Variants in HNRNPLL observed in about 807,000 individuals in gnomAD.
HNRNPLL encodes the protein heterogeneous nuclear ribonucleoprotein L-like.
HNRNPLL carries 25 observed loss-of-function variants against 67.1 expected under a neutral mutation model. The ratio of observed to expected loss-of-function variants is 0.37; its 90% CI spans 0.27 to 0.52. HNRNPLL has a LOEUF of 0.52. Among genes scored for constraint, HNRNPLL ranks in the 20% least tolerant of loss-of-function variants. HNRNPLL has a pLI of 0.90. For synonymous variants in HNRNPLL, 267 were observed against 241.7 expected (o/e 1.10, Z -0.97); for missense variants, 542 against 673.9 (o/e 0.80, Z 2.17).
chr2:38,579,527 A>G (rs1379188027), intron 6 of HNRNPLL, among the ~76,000 whole-genome samples: 1 of 152,024 alleles, frequency 6.6e-6, no homozygotes, highest in Non-Finnish European at 1.5e-5. Context: ...CCCTAAATAT[A>G]TCAGTTTCTA....
chr2:38,601,809 G>C (rs72907918), intron 1 of HNRNPLL, among the ~76,000 whole-genome samples: 5,217 of 152,264 alleles, frequency 0.034, 328 homozygotes, highest in African/African-American at 0.12. Flanking sequence ...TGTTGTAACC[G>C]AAGAGGTAAA....
At chr2:38,575,866 T>C (rs571148733) in intron 7 of HNRNPLL, among the ~76,000 whole-genome samples, 1 of 151,686 alleles carries the variant, frequency 6.6e-6, no homozygotes, top group African/African-American at 2.4e-5. Flanking sequence ...TCATCTTACT[T>C]CTCTTCTCTG....
At chr2:38,585,123 T>C (rs1276790062) in intron 3 of HNRNPLL, among the ~76,000 whole-genome samples, 4 of 147,104 alleles carry the variant, frequency 2.7e-5, no homozygotes, top group African/African-American at 8.2e-5. Context: ...AGCATGTGAG[T>C]AGGAAGAAAA....
chr2:38,569,101 C>A, intron 10 of HNRNPLL, 32 bp downstream of exon 10: 1 of 1,409,750 alleles, frequency 7.1e-7, no homozygotes, highest in Non-Finnish European at 1.0e-6. Context: ...GAAATAGCAA[C>A]ATTCTATACA....
chr2:38,569,470 G>T lies in HNRNPLL; in HGVS notation c.1215-136C>A. The T allele has an allele frequency of 4.8e-6, 3 of 619,050 alleles. No individual in the cohort carries two copies. The East Asian group carries it at 8.2e-5, about 17-fold the overall frequency. The allele number at this position is 619,050 out of a possible 1,614,324, so 38.3% of individuals were successfully genotyped here. ...CATACATAGAGCTATTTAAATAGAG[G>T]ATTTAGTTTGGGTTATAATCAATCA... On this transcript the variant is annotated intron_variant, in intron 9 of 12. Transcript: ENST00000449105.
intron 6 of HNRNPLL, among the ~76,000 whole-genome samples, chr2:38,580,764 G>A (rs79179377): frequency 0.017 from 2,556 of 152,294 alleles, 65 homozygotes; most frequent in African/African-American, 0.059. Context: ...ACTTATAGGT[G>A]AAGATGCATC....
chr2:38,575,442 T>TAA (rs1054503441), intron 7 of HNRNPLL, among the ~76,000 whole-genome samples: 18 of 151,834 alleles, frequency 1.2e-4, no homozygotes, highest in African/African-American at 4.3e-4. Flanking sequence ...TGCTACAAAT[T>TAA]AATACACAAA....
Position 38,601,108 on chromosome 2 carries a change from G to GA in HNRNPLL, c.189+1329dup, listed in dbSNP as rs202029264. 7.6e-3 allele frequency among the ~76,000 whole-genome samples: 1,151 copies of GA among 152,096 alleles called. 17 individuals are homozygous for GA. Among genetic ancestry groups the GA allele is most frequent in the African/African-American group, 0.026 (1,091 of 41,460 alleles). On this transcript the variant is annotated intron_variant, in intron 1 of 12. Coordinates refer to ENST00000449105, the MANE Select transcript of HNRNPLL (RefSeq NM_138394.4). ...TTGGCTTTGAACTGAAACTTCCTAAGAAAAAACCATTTCCTTTATTCACAC... is the reference window on the plus strand; with the variant it reads ...TTGGCTTTGAACTGAAACTTCCTAAGAAAAAAACCATTTCCTTTATTCACAC...
rs557488207 is a variant in HNRNPLL, at chr2:38,563,269, C to G, written c.*913G>C. 4 of 151,898 alleles carry G rather than the reference C, an allele frequency of 2.6e-5. No individual in the cohort carries two copies. The highest frequency in any genetic ancestry group is 9.7e-5 in the African/African-American group (4 of 41,412). 9.4% of individuals were successfully genotyped at this position (151,898 alleles called of 1,614,324 possible). On this transcript the variant is annotated 3_prime_UTR_variant, in exon 13 of 13. Transcript: ENST00000449105. ...TAAAAATAAAATTAGATCCTTAAAT[C>G]TTGTACCATATAGAAAAATACATAT...
chr2:38,599,789 C>T (rs1317719639), intron 1 of HNRNPLL: 1 of 427,824 alleles, frequency 2.3e-6, no homozygotes, highest in African/African-American at 2.1e-5. Context: ...ATTATCAAAG[C>T]ACTCAAGGTT....
At chr2:38,595,993 T>C (rs112832484) in intron 1 of HNRNPLL, among the ~76,000 whole-genome samples, 4,690 of 152,264 alleles carry the variant, frequency 0.031, 98 homozygotes, top group South Asian at 0.079. Context: ...CATAAGTTTA[T>C]TTACCTGGAT....
chr2:38,562,689 G>A lies in HNRNPLL; in HGVS notation c.*1493C>T, dbSNP rs544088348. 4 of 152,188 alleles carry A rather than the reference G, an allele frequency of 2.6e-5. No homozygotes were observed. The South Asian group carries it at 8.3e-4, about 32-fold the overall frequency. The allele number at this position is 152,188 out of a possible 1,614,324, so 9.4% of individuals were successfully genotyped here. On this transcript the variant is annotated 3_prime_UTR_variant, in exon 13 of 13. Coordinates refer to ENST00000449105, the MANE Select transcript of HNRNPLL (RefSeq NM_138394.4). Reference sequence around the variant, plus strand: ...CCCTTGGCATAACTTACTGGGTTCTGTGATAAGGGTCTAAAATACTTCTAG... The same window carrying A: ...CCCTTGGCATAACTTACTGGGTTCTATGATAAGGGTCTAAAATACTTCTAG...
Position 38,602,759 on chromosome 2 carries a change from G to A in HNRNPLL, c.-133C>T. 6.6e-7 allele frequency: 1 copy of A among 1,515,720 alleles called. No individual in the cohort carries two copies. The highest frequency in any genetic ancestry group is 2.8e-5 in the East Asian group (1 of 36,068). 93.9% of individuals were successfully genotyped at this position (1,515,720 alleles called of 1,614,324 possible). ...GGTCTCCGCGGCCCGGCCGTCCGCG[G>A]GGACTGCGCGGCCAGGAGACTGGCG... On this transcript the variant is annotated 5_prime_UTR_variant, in exon 1 of 13. Transcript: ENST00000449105.
At chr2:38,567,694 A>G (rs1168592318) in intron 12 of HNRNPLL, among the ~76,000 whole-genome samples, 1 of 152,182 alleles carries the variant, frequency 6.6e-6, no homozygotes, top group Non-Finnish European at 1.5e-5. Context: ...CAAAAAAATT[A>G]TAACATTAAG....
At chr2:38,585,557 A>G in intron 3 of HNRNPLL, 87 bp downstream of exon 3, 2 of 769,294 alleles carry the variant, frequency 2.6e-6, no homozygotes, top group Non-Finnish European at 4.5e-6. Flanking sequence ...TAGTATCTAG[A>G]TGGCAATGAA....
chr2:38,602,644 C>G lies in HNRNPLL; in HGVS notation c.-18G>C. On this transcript the variant is annotated 5_prime_UTR_variant, in exon 1 of 13. Transcript: ENST00000449105. ...GAGGACATGGCGGCGGCCGGAGGGA[C>G]CGGCTGGCAGGCGGGTGGGGGTGGC... The G allele has an allele frequency of 5.4e-6, 8 of 1,492,942 alleles. No homozygotes were observed. Among genetic ancestry groups the G allele is most frequent in the Non-Finnish European group, 7.1e-6 (8 of 1,125,068 alleles). 92.5% of individuals were successfully genotyped at this position (1,492,942 alleles called of 1,614,324 possible).
At chr2:38,574,837 T>C (rs1666239285) in intron 7 of HNRNPLL, among the ~76,000 whole-genome samples, 1 of 151,864 alleles carries the variant, frequency 6.6e-6, no homozygotes, top group Non-Finnish European at 1.5e-5. Context: ...TAGTAATTAG[T>C]TTTTAGGCTG....
intron 12 of HNRNPLL, among the ~76,000 whole-genome samples, chr2:38,566,543 T>G (rs1211871313): frequency 2.0e-5 from 3 of 151,870 alleles, no homozygotes; most frequent in African/African-American, 4.8e-5. Flanking sequence ...TTGCTAAGAG[T>G]GCTGAGCAAT....
At chr2:38,564,325 T>C in intron 12 of HNRNPLL, 88 bp from the exon 13 acceptor site, 1 of 733,134 alleles carries the variant, frequency 1.4e-6, no homozygotes, top group Non-Finnish European at 2.4e-6. Context: ...TTCACCTTTT[T>C]ATACTAAATA....
Sources: allele counts gnomAD v4.1 joint callset (sites outside exome capture counted in the v4.1 genomes callset), GRCh38; gene constraint gnomAD v4.1.1; transcripts MANE v1.5; gene names NCBI Gene and HGNC (gene_info 2026-07-23, HGNC 2026-07-21).